Variants in TLCD4 observed in about 807,000 individuals in gnomAD.
The protein encoded by TLCD4 is TLC domain-containing protein 4.
Under a neutral mutation model 24.2 loss-of-function variants are expected in TLCD4, and 7 were observed. That is an observed-to-expected ratio of 0.29 (90% CI 0.16 to 0.54). TLCD4 has a LOEUF of 0.54. Ranked by LOEUF, TLCD4 falls within the 20% of genes least tolerant of loss-of-function variation. The pLI, the probability that TLCD4 is intolerant of heterozygous loss-of-function variation, is 0.95. For synonymous variants in TLCD4, 103 were observed against 106.4 expected, an observed-to-expected ratio of 0.97 and a Z score of 0.20; for missense variants, 259 against 313.9, an observed-to-expected ratio of 0.82 and a Z score of 1.32.
chr1:95,124,529 G>A (rs755934935), intron 1 of TLCD4, among the ~76,000 whole-genome samples: 4 of 152,148 alleles, frequency 2.6e-5, no homozygotes, highest in Non-Finnish European at 5.9e-5. Context: ...CTCATATCAT[G>A]TTGCCCAGTG....
chr1:95,192,714 T>C lies in TLCD4; in HGVS notation c.*846T>C, dbSNP rs931678579. On this transcript the variant is annotated 3_prime_UTR_variant, in exon 7 of 7. Transcript: ENST00000370203. ...TTCATTTCAGACATGCAATCACCTA[T>C]TAATGATGAAATATTTTACCACTTT... The C allele has an allele frequency of 5.9e-5, 9 of 152,220 alleles. No individual in the cohort carries two copies. The highest frequency in any genetic ancestry group is 2.2e-4 in the African/African-American group (9 of 41,464). 9.4% of individuals were successfully genotyped at this position (152,220 alleles called of 1,614,324 possible). A position where few individuals can be genotyped will look rare whatever the true frequency, so the allele number is the denominator to read the frequency against.
intron 5 of TLCD4, among the ~76,000 whole-genome samples, chr1:95,170,607 G>T (rs1678176875): frequency 6.6e-6 from 1 of 152,094 alleles, no homozygotes; most frequent in South Asian, 2.1e-4. Context: ...GGGATTACAG[G>T]TGTGAGCCAC....
chr1:95,108,845 TC>T, the TLCD4 span, among the ~76,000 whole-genome samples: 1 of 152,202 alleles, frequency 6.6e-6, no homozygotes, highest in Non-Finnish European at 1.5e-5. Context: ...CCATTGGAAA[TC>T]CCAAAGTATT....
chr1:95,111,677 C>A, the TLCD4 span, among the ~76,000 whole-genome samples: 1 of 152,320 alleles, frequency 6.6e-6, no homozygotes, highest in East Asian at 1.9e-4. Context: ...GGAAACTTAG[C>A]ACTTGATGGT....
At chr1:95,144,730 G>T (rs766580574) in intron 2 of TLCD4, among the ~76,000 whole-genome samples, 2 of 151,458 alleles carry the variant, frequency 1.3e-5, no homozygotes, top group Non-Finnish European at 2.9e-5. Context: ...CCGTTCTGTC[G>T]CCCAGGCTGG....
At chr1:95,131,843 G>A (rs1408713550) in intron 1 of TLCD4, among the ~76,000 whole-genome samples, 1 of 152,192 alleles carries the variant, frequency 6.6e-6, no homozygotes, top group Non-Finnish European at 1.5e-5. Context: ...GATTCGCAAT[G>A]TATTGATGTT....
intron 6 of TLCD4, among the ~76,000 whole-genome samples, chr1:95,180,381 G>A (rs1179263221): frequency 1.3e-5 from 2 of 152,162 alleles, no homozygotes; most frequent in Non-Finnish European, 2.9e-5. Context: ...ATGAGAACTG[G>A]CGTTAGAATA....
At chr1:95,163,014 T>C (rs935400692) in intron 5 of TLCD4, among the ~76,000 whole-genome samples, 1 of 152,130 alleles carries the variant, frequency 6.6e-6, no homozygotes, top group African/African-American at 2.4e-5. Context: ...ATCTTTGTGG[T>C]GTTCTCTGTA....
At chr1:95,166,656 G>T (rs1678026089) in intron 5 of TLCD4, among the ~76,000 whole-genome samples, 1 of 152,138 alleles carries the variant, frequency 6.6e-6, no homozygotes, top group African/African-American at 2.4e-5. Flanking sequence ...CAGTAACTAG[G>T]TGTGAATGAT....
chr1:95,162,931 A>G (rs958650827), intron 5 of TLCD4, among the ~76,000 whole-genome samples: 4 of 152,128 alleles, frequency 2.6e-5, no homozygotes, highest in African/African-American at 9.7e-5. Context: ...GGCTGCCCTT[A>G]ACATTTTTTC....
chr1:95,111,431 C>T, the TLCD4 span, among the ~76,000 whole-genome samples: 2 of 152,022 alleles, frequency 1.3e-5, no homozygotes, highest in Non-Finnish European at 2.9e-5. Context: ...AAAAAATAAG[C>T]CTCTCCTGTT....
At chr1:95,159,129 G>A (rs1677712322) in intron 5 of TLCD4, among the ~76,000 whole-genome samples, 1 of 152,192 alleles carries the variant, frequency 6.6e-6, no homozygotes, top group South Asian at 2.1e-4. Flanking sequence ...CACCAATGGT[G>A]TAAAAGTGTA....
At chr1:95,167,590 C>T (rs1678063995) in intron 5 of TLCD4, among the ~76,000 whole-genome samples, 1 of 152,008 alleles carries the variant, frequency 6.6e-6, no homozygotes, top group Non-Finnish European at 1.5e-5. Flanking sequence ...TGGAAGGCTA[C>T]CCTGACGCAC....
At chr1:95,130,158 A>G (rs1557678968) in intron 1 of TLCD4, among the ~76,000 whole-genome samples, 2 of 150,746 alleles carry the variant, frequency 1.3e-5, no homozygotes, top group Non-Finnish European at 3.0e-5. Flanking sequence ...ATTTTATTTA[A>G]TTTATTTTTT....
At position 95,191,551 on chromosome 1, in the gene TLCD4, T is replaced by A; in HGVS notation, c.475T>A (p.Trp159Arg). Residue 159 changes from tryptophan (W) to arginine (R), a missense_variant and splice_region_variant, in exon 7 of 7, where the codon TGG (tryptophan) becomes AGG (arginine). Coordinates refer to ENST00000370203, the MANE Select transcript of TLCD4 (RefSeq NM_152487.3). ...ELSSPFVNQR[W>R]FFEALKYPKF... is the part of the protein sequence containing the mutation. ...ATGTTTCTTTAATTCATTTTTCAGG[T>A]GGTTCTTTGAAGCTCTGAAGTATCC... 2 of 1,599,666 alleles carry A rather than the reference T, an allele frequency of 1.3e-6. No homozygotes were observed. Among genetic ancestry groups the A allele is most frequent in the Non-Finnish European group, 1.7e-6 (2 of 1,173,166 alleles).
chr1:95,097,417 A>G, the TLCD4 span, among the ~76,000 whole-genome samples: 5 of 152,342 alleles, frequency 3.3e-5, no homozygotes, highest in East Asian at 7.7e-4. Flanking sequence ...GAAGAATTCT[A>G]CTGCCAGCTA....
At chr1:95,155,009 G>A (rs1242573114) in intron 5 of TLCD4, among the ~76,000 whole-genome samples, 1 of 151,672 alleles carries the variant, frequency 6.6e-6, no homozygotes, top group Non-Finnish European at 1.5e-5. Flanking sequence ...TAGTCGTAGT[G>A]TAGTGTAGTG....
chr1:95,115,088 T>TTATATATATATATACA (rs1553167769), upstream of TLCD4, among the ~76,000 whole-genome samples: 14 of 143,836 alleles, frequency 9.7e-5, no homozygotes, highest in Admixed American at 1.4e-4. Context: ...TATATACACA[T>TTATATATATATATACA]TATATATATA....
At chr1:95,126,588 T>C (rs1048416234) in intron 1 of TLCD4, among the ~76,000 whole-genome samples, 6 of 152,200 alleles carry the variant, frequency 3.9e-5, no homozygotes, top group African/African-American at 1.4e-4. Context: ...GTTACTGTGT[T>C]GGTTACAGGT....
Sources: gnomAD v4.1 joint callset for allele counts (sites outside exome capture counted in the v4.1 genomes callset) on GRCh38, gnomAD v4.1.1 for gene constraint, MANE v1.5 for transcripts, NCBI Gene and HGNC (gene_info 2026-07-23, HGNC 2026-07-21) for gene names.